DPP10: variants seen among roughly 807,000 people sequenced by gnomAD.
The protein encoded by DPP10 is inactive dipeptidyl peptidase 10.
Under a neutral mutation model 120.9 loss-of-function variants are expected in DPP10, and 33 were observed. The ratio of observed to expected loss-of-function variants is 0.27; its 90% CI spans 0.21 to 0.37. The LOEUF is 0.37. Ranked by LOEUF, DPP10 falls within the 10% of genes least tolerant of loss-of-function variation. The probability of loss-of-function intolerance (pLI) is 1.00; values close to 1 mark genes in which losing one functional copy is unlikely to be tolerated. For synonymous variants in DPP10, 337 were observed against 326.1 expected, an observed-to-expected ratio of 1.03 and a Z score of -0.36; for missense variants, 816 against 942.8, an observed-to-expected ratio of 0.87 and a Z score of 1.76.
chr2:114,454,590 A>C (rs1678462997), intron 1 of DPP10, among the ~76,000 whole-genome samples: 1 of 152,094 alleles, frequency 6.6e-6, no homozygotes, highest in African/African-American at 2.4e-5. Context: ...CTCTCAATTG[A>C]AGTTTCCTGT....
At chr2:115,232,130 T>C (rs2057763872) in intron 1 of DPP10, among the ~76,000 whole-genome samples, 1 of 152,176 alleles carries the variant, frequency 6.6e-6, no homozygotes, top group African/African-American at 2.4e-5. Flanking sequence ...TGGCATGCAC[T>C]GAACTGAGAC....
chr2:114,574,446 C>T (rs950351158), intron 1 of DPP10, among the ~76,000 whole-genome samples: 2 of 152,194 alleles, frequency 1.3e-5, no homozygotes, highest in African/African-American at 4.8e-5. Flanking sequence ...TTGATGGAAA[C>T]ATTCTTGGCA....
At chr2:115,101,837 G>A (rs957615983) in intron 1 of DPP10, among the ~76,000 whole-genome samples, 3 of 152,248 alleles carry the variant, frequency 2.0e-5, no homozygotes, top group Admixed American at 1.3e-4. Flanking sequence ...CACTTGCAAC[G>A]TCTTGCTACT....
intron 1 of DPP10, among the ~76,000 whole-genome samples, chr2:114,539,776 GA>G (rs1686809615): frequency 6.6e-6 from 1 of 152,126 alleles, no homozygotes; most frequent in Non-Finnish European, 1.5e-5. Flanking sequence ...TTTGTTAAAT[GA>G]TTACACGCAA....
intron 3 of DPP10, among the ~76,000 whole-genome samples, chr2:115,399,892 A>T (rs1234492101): frequency 6.6e-6 from 1 of 152,112 alleles, no homozygotes; most frequent in Non-Finnish European, 1.5e-5. Flanking sequence ...GTCATTTATA[A>T]AGAAAAAAAG....
intron 1 of DPP10, among the ~76,000 whole-genome samples, chr2:114,466,189 G>C (rs1679356203): frequency 6.6e-6 from 1 of 152,126 alleles, no homozygotes; most frequent in African/African-American, 2.4e-5. Context: ...ATATGCTGGA[G>C]AATTGCCAAG....
intron 3 of DPP10, among the ~76,000 whole-genome samples, chr2:115,381,337 G>A (rs1410410126): frequency 1.3e-5 from 2 of 152,008 alleles, no homozygotes; most frequent in Non-Finnish European, 2.9e-5. Context: ...TCTTCCAGTT[G>A]ATCGCGTCGG....
At chr2:115,372,584 G>A (rs1400344597) in intron 3 of DPP10, among the ~76,000 whole-genome samples, 1 of 152,158 alleles carries the variant, frequency 6.6e-6, no homozygotes, top group East Asian at 1.9e-4. Context: ...TCCTTGCAGT[G>A]GGACTATCAC....
At chr2:115,373,317 A>G (rs1365613945) in intron 3 of DPP10, among the ~76,000 whole-genome samples, 4 of 152,226 alleles carry the variant, frequency 2.6e-5, no homozygotes, top group Non-Finnish European at 5.9e-5. Context: ...GGGAGGTCTT[A>G]TAAGATCATT....
intron 1 of DPP10, among the ~76,000 whole-genome samples, chr2:115,079,430 A>G (rs1281268279): frequency 1.3e-5 from 2 of 152,140 alleles, no homozygotes; most frequent in Non-Finnish European, 2.9e-5. Flanking sequence ...GGGATGACAG[A>G]CAAACTAGGA....
intron 1 of DPP10, among the ~76,000 whole-genome samples, chr2:115,192,971 CA>C (rs202239196): frequency 1.0e-4 from 15 of 149,436 alleles, no homozygotes; most frequent in South Asian, 4.2e-4. Flanking sequence ...AACTTTAAAA[CA>C]AAAAAAAAAT....
At chr2:115,370,614 G>C (rs78075091) in intron 3 of DPP10, among the ~76,000 whole-genome samples, 2,480 of 152,138 alleles carry the variant, frequency 0.016, 53 homozygotes, top group African/African-American at 0.057. Context: ...TAACAAGAAG[G>C]TACATTTAAA....
At chr2:115,610,422 G>A (rs1002194556) in intron 5 of DPP10, among the ~76,000 whole-genome samples, 1 of 151,830 alleles carries the variant, frequency 6.6e-6, no homozygotes, top group Non-Finnish European at 1.5e-5. Context: ...ACTTCATGTG[G>A]GTAACTTACC....
intron 1 of DPP10, among the ~76,000 whole-genome samples, chr2:115,106,021 C>T (rs949211970): frequency 6.6e-6 from 1 of 152,172 alleles, no homozygotes; most frequent in Admixed American, 6.5e-5. Flanking sequence ...TCTGATGTAA[C>T]CCAGCTATGC....
chr2:114,521,631 TA>T (rs1164104585), intron 1 of DPP10, among the ~76,000 whole-genome samples: 3 of 151,970 alleles, frequency 2.0e-5, no homozygotes, highest in East Asian at 1.9e-4. Flanking sequence ...ATCTTAATGT[TA>T]AAAAAAGGTC....
At chr2:115,768,645 G>A (rs1681087967) in intron 13 of DPP10, among the ~76,000 whole-genome samples, 2 of 152,020 alleles carry the variant, frequency 1.3e-5, no homozygotes, top group Non-Finnish European at 2.9e-5. Context: ...ATGAACTGAG[G>A]GCTTTGGGAT....
intron 1 of DPP10, among the ~76,000 whole-genome samples, chr2:115,070,108 G>C (rs1401829396): frequency 6.6e-6 from 1 of 152,030 alleles, no homozygotes; most frequent in Non-Finnish European, 1.5e-5. Flanking sequence ...CAAACACAAT[G>C]CAACCCCTCA....
At chr2:115,699,138 A>G (rs1012188200) in intron 7 of DPP10, among the ~76,000 whole-genome samples, 1 of 152,008 alleles carries the variant, frequency 6.6e-6, no homozygotes, top group African/African-American at 2.4e-5. Flanking sequence ...TAATAGTACT[A>G]TGAACAATTG....
intron 1 of DPP10, among the ~76,000 whole-genome samples, chr2:114,591,007 G>A (rs552461164): frequency 8.5e-5 from 13 of 152,266 alleles, no homozygotes; most frequent in Middle Eastern, 3.4e-3. Context: ...AAAAATAGTC[G>A]TCTGTATTTG....
Sources: allele counts gnomAD v4.1 joint callset (sites outside exome capture counted in the v4.1 genomes callset), GRCh38; gene constraint gnomAD v4.1.1; transcripts MANE v1.5; gene names NCBI Gene and HGNC (gene_info 2026-07-23, HGNC 2026-07-21).